CATSPERB: variants seen among roughly 807,000 people sequenced by gnomAD.
The protein encoded by CATSPERB is cation channel sperm-associated auxiliary subunit beta.
In CATSPERB, 93 loss-of-function variants were observed where a neutral mutation model predicts 128.3. The ratio of observed to expected loss-of-function variants is 0.72; its 90% CI spans 0.61 to 0.86. The LOEUF is 0.86. Ranked by LOEUF, CATSPERB falls within the 40% of genes least tolerant of loss-of-function variation. CATSPERB has a pLI of 0.00. For missense variants in CATSPERB, 1,153 were observed against 1,329.5 expected (o/e 0.87, Z 2.06); for synonymous variants, 381 against 448.8 (o/e 0.85, Z 1.91).
intron 22 of CATSPERB, chr14:91,604,363 GC>G: frequency 1.2e-6 from 1 of 867,008 alleles, no homozygotes; most frequent in Admixed American, 1.7e-5. Flanking sequence ...TTCAGCCAGT[GC>G]CCAGACTGAA....
At chr14:91,595,373 TAGCC>T (rs1893487266) in intron 22 of CATSPERB, among the ~76,000 whole-genome samples, 2 of 152,120 alleles carry the variant, frequency 1.3e-5, no homozygotes, top group African/African-American at 4.8e-5. Flanking sequence ...TTTACCGTGT[TAGCC>T]AGGATGGTCT....
intron 26 of CATSPERB, among the ~76,000 whole-genome samples, chr14:91,586,308 G>T (rs1313812671): frequency 2.6e-5 from 4 of 152,116 alleles, no homozygotes; most frequent in African/African-American, 9.7e-5. Context: ...GTGCTATTGT[G>T]CTGTTCCCCA....
intron 5 of CATSPERB, among the ~76,000 whole-genome samples, chr14:91,717,379 A>G (rs942538722): frequency 2.6e-5 from 4 of 152,204 alleles, no homozygotes; most frequent in African/African-American, 7.2e-5. Context: ...TTAAAATGAA[A>G]AAAAGGGGCA....
intron 15 of CATSPERB, among the ~76,000 whole-genome samples, chr14:91,649,140 G>A (rs1185356246): frequency 6.6e-6 from 1 of 152,048 alleles, no homozygotes; most frequent in Non-Finnish European, 1.5e-5. Flanking sequence ...GCATATACGA[G>A]GTACTCAATA....
intron 19 of CATSPERB, 72 bp downstream of exon 19, chr14:91,621,536 A>G (rs1013055563): frequency 8.2e-7 from 1 of 1,226,960 alleles, no homozygotes. Context: ...AGTCAGTATC[A>G]AAGAGTATAT....
At chr14:91,730,438 A>G (rs1398686221) in intron 1 of CATSPERB, among the ~76,000 whole-genome samples, 1 of 152,172 alleles carries the variant, frequency 6.6e-6, no homozygotes, top group Non-Finnish European at 1.5e-5. Flanking sequence ...TAGCCTCCAG[A>G]ACTGTGAGAA....
intron 21 of CATSPERB, 114 bp from the exon 22 acceptor site, chr14:91,608,518 G>GT (rs1298969836): frequency 7.8e-6 from 5 of 640,790 alleles, no homozygotes; most frequent in Non-Finnish European, 1.1e-5. Flanking sequence ...TTAGCTACAG[G>GT]TATTAAAGTA....
rs377382055 is a variant in CATSPERB at position 91,624,918 on chromosome 14, G to T, written c.1832C>A (p.Pro611His). 1 of 1,612,616 alleles carries T rather than the reference G, an allele frequency of 6.2e-7. No homozygotes were observed. The highest frequency in any genetic ancestry group is 8.5e-7 in the Non-Finnish European group (1 of 1,179,446). The change falls in exon 18 of 27, where the codon CCC becomes CAC. Residue 611 changes from proline to histidine, a missense_variant. Transcript: ENST00000256343. ...LSSVIAEMKE[P>H]FGLEEVNESS... Reference sequence around the variant, plus strand: ...CTCATTCACTTCTTCTAATCCAAAGGGCTCTTTCATTTCTGCAATAACTGA... The same window carrying T: ...CTCATTCACTTCTTCTAATCCAAAGTGCTCTTTCATTTCTGCAATAACTGA...
chr14:91,626,989 T>C (rs1704665), intron 17 of CATSPERB, among the ~76,000 whole-genome samples: 113,073 of 152,110 alleles, frequency 0.74, 42,567 homozygotes, highest in East Asian at 0.97. Context: ...TATGAACAAA[T>C]AGTTTATAAA....
At chr14:91,708,512 A>G (rs1156463991) in intron 5 of CATSPERB, among the ~76,000 whole-genome samples, 1 of 152,220 alleles carries the variant, frequency 6.6e-6, no homozygotes. Context: ...GGGCTTGATA[A>G]AAAGCAAATT....
chr14:91,724,373 C>T (rs1823905029), intron 3 of CATSPERB, among the ~76,000 whole-genome samples: 1 of 152,042 alleles, frequency 6.6e-6, no homozygotes, highest in Admixed American at 6.6e-5. Flanking sequence ...ATTTTTAGCT[C>T]AGAGAGCATA....
At chr14:91,637,162 G>C (rs1040563006) in intron 16 of CATSPERB, among the ~76,000 whole-genome samples, 5 of 152,128 alleles carry the variant, frequency 3.3e-5, no homozygotes, top group Non-Finnish European at 7.3e-5. Context: ...CCTGCTTGGG[G>C]AACTTTTAGG....
Position 91,708,127 on chromosome 14 carries a change from C to A in CATSPERB, c.466+14G>T. On this transcript the variant is annotated intron_variant, in intron 6 of 26. Transcript: ENST00000256343. ...TATATGAATTCCATTTTACTTCTGT[C>A]TGTTGGCATTTACCTCGAATAACAT... 6.4e-7 allele frequency: 1 copy of A among 1,561,278 alleles called. No homozygotes were observed. The highest frequency in any genetic ancestry group is 8.8e-7 in the Non-Finnish European group (1 of 1,133,178).
intron 26 of CATSPERB, among the ~76,000 whole-genome samples, chr14:91,585,962 C>T (rs1566693002): frequency 1.3e-5 from 2 of 152,170 alleles, no homozygotes; most frequent in Non-Finnish European, 2.9e-5. Context: ...TTATGCCTCA[C>T]CTTCTGTGTG....
chr14:91,710,532 C>T (rs543143822), intron 5 of CATSPERB: 1 of 152,294 alleles, frequency 6.6e-6, no homozygotes, highest in South Asian at 2.1e-4. Context: ...AAGACCTCTA[C>T]TTGGCACTAT....
At chr14:91,654,292 G>A (rs765275594) in intron 15 of CATSPERB, among the ~76,000 whole-genome samples, 4 of 152,142 alleles carry the variant, frequency 2.6e-5, no homozygotes, top group Admixed American at 6.5e-5. Context: ...GACAATTCAC[G>A]AAGTGGGCTC....
chr14:91,589,637 A>C lies in CATSPERB; in HGVS notation c.2853T>G (p.Tyr951Ter), dbSNP rs369619047. The change falls in exon 24 of 27, where the codon TAT (tyrosine) becomes TAG (stop). Residue 951 changes from tyrosine to a stop codon, truncating the protein, a stop_gained. Coordinates refer to ENST00000256343, the MANE Select transcript of CATSPERB (RefSeq NM_024764.4). LOFTEE classifies it high-confidence loss of function. ...CGTTGATAATTTCCAAAGAAACTGG[A>C]TATTGTGTAATTGGAAACTTAAAGC... ...VPRFKFPITQYPVSLEIINED... is the reference protein window; with the variant it reads ...VPRFKFPITQ 3.1e-6 allele frequency: 5 copies of C among 1,613,728 alleles called. No individual in the cohort carries two copies. The highest frequency in any genetic ancestry group is 4.2e-6 in the Non-Finnish European group (5 of 1,179,820).
intron 15 of CATSPERB, among the ~76,000 whole-genome samples, chr14:91,640,512 G>A (rs1785049547): frequency 8.9e-6 from 1 of 112,576 alleles, no homozygotes; most frequent in Admixed American, 9.5e-5. Context: ...TTTTGTTCTT[G>A]CGATAGTTTA....
In CATSPERB at chr14:91,589,615, T is replaced by C; in HGVS notation, c.2875A>G (p.Asn959Asp). ...TGCAATGGGACACGTCCATCCTCGTTGATAATTTCCAAAGAAACTGGATAT... is the reference window on the plus strand; with the variant it reads ...TGCAATGGGACACGTCCATCCTCGTCGATAATTTCCAAAGAAACTGGATAT... ...TQYPVSLEIINEDGRVPLQSP... is the reference protein window; with the variant it reads ...TQYPVSLEIIDEDGRVPLQSP... The change falls in exon 24 of 27, where the codon AAC becomes GAC. Residue 959 changes from asparagine to aspartate, a missense_variant. Transcript: ENST00000256343. 1 of 1,613,908 alleles carries C rather than the reference T, an allele frequency of 6.2e-7. No homozygotes were observed. Among genetic ancestry groups the C allele is most frequent in the Non-Finnish European group, 8.5e-7 (1 of 1,179,796 alleles).
Sources: allele counts gnomAD v4.1 joint callset (sites outside exome capture counted in the v4.1 genomes callset), GRCh38; gene constraint gnomAD v4.1.1; transcripts MANE v1.5; gene names NCBI Gene and HGNC (gene_info 2026-07-23, HGNC 2026-07-21).